CRB3: variants seen among roughly 807,000 people sequenced by gnomAD.
The protein encoded by CRB3 is protein crumbs homolog 3.
In CRB3, 4 loss-of-function variants were observed where a neutral mutation model predicts 10.4. The observed-to-expected ratio is 0.39, with a 90% confidence interval of 0.19 to 0.88. The LOEUF (loss-of-function observed/expected upper bound fraction) is 0.88. CRB3 is among the 40% of genes least tolerant of loss of function. The pLI is 0.39. For synonymous variants in CRB3, 74 were observed against 73.4 expected, an observed-to-expected ratio of 1.01 and a Z score of -0.04; for missense variants, 154 against 160.2, an observed-to-expected ratio of 0.96 and a Z score of 0.21.
rs747160974 is a variant in CRB3, at chr19:6,464,633, C to A, written c.-69C>A. 1 of 999,206 alleles carries A rather than the reference C, an allele frequency of 1.0e-6. No homozygotes were observed. Among genetic ancestry groups the A allele is most frequent in the Non-Finnish European group, 1.3e-6 (1 of 775,778 alleles). The allele number at this position is 999,206 out of a possible 1,614,324, so 61.9% of individuals were successfully genotyped here. On this transcript the variant is annotated 5_prime_UTR_variant, in exon 2 of 4. Transcript: ENST00000600229. The surrounding 1 kb of genome is among the most constrained non-coding windows in gnomAD (Gnocchi z 5.3). Reference sequence around the variant, plus strand: ...GTGCCCCGTCGCAGGTGCCCCTGGCCGGAGATGCGGTAGGAGGGGCGAGCG... The same window carrying A: ...GTGCCCCGTCGCAGGTGCCCCTGGCAGGAGATGCGGTAGGAGGGGCGAGCG...
intron 2 of CRB3, among the ~76,000 whole-genome samples, 161 bp from the exon 3 acceptor site, chr19:6,465,384 T>C (rs2092789436): frequency 6.6e-6 from 1 of 151,988 alleles, no homozygotes; most frequent in South Asian, 2.1e-4. Context: ...GGAGAGGTCT[T>C]ACCTGCAAGA....
rs1472885578 is a variant in CRB3 at position 6,466,698 on chromosome 19, A to G, written c.*26A>G. 2.5e-6 allele frequency: 4 copies of G among 1,592,848 alleles called. No individual in the cohort carries two copies. Among genetic ancestry groups the G allele is most frequent in the African/African-American group, 1.3e-5 (1 of 74,530 alleles). ...ACGCTGGGGCCTGCTGCAGCCACCA[A>G]CACTGCCCAGGACTGCGGGTTGCTG... is the stretch of plus-strand genomic sequence containing the variant. On this transcript the variant is annotated 3_prime_UTR_variant, in exon 4 of 4. Transcript: ENST00000600229. The surrounding 1 kb of genome is among the most constrained non-coding windows in gnomAD (Gnocchi z 4.9).
chr19:6,467,140 G>A lies in CRB3; in HGVS notation c.*468G>A. 1.1e-6 allele frequency: 1 copy of A among 876,588 alleles called. No homozygotes were observed. The highest frequency in any genetic ancestry group is 1.8e-6 in the Non-Finnish European group (1 of 556,918). The allele number at this position is 876,588 out of a possible 1,614,324, so 54.3% of individuals were successfully genotyped here. A position where few individuals can be genotyped will look rare whatever the true frequency, so the allele number is the denominator to read the frequency against. Reference sequence around the variant, plus strand: ...ATAGCAGGGAAGAAGGTACTTCAAAGACTCTGCCCCTGAGGTCAAGAGAGG... The same window carrying A: ...ATAGCAGGGAAGAAGGTACTTCAAAAACTCTGCCCCTGAGGTCAAGAGAGG... On this transcript the variant is annotated 3_prime_UTR_variant, in exon 4 of 4. Coordinates refer to ENST00000600229, the MANE Select transcript of CRB3 (RefSeq NM_139161.5).
chr19:6,466,695 C>T lies in CRB3; in HGVS notation c.*23C>T. The T allele has an allele frequency of 1.3e-6, 2 of 1,592,900 alleles. No individual in the cohort carries two copies. Among genetic ancestry groups the T allele is most frequent in the Non-Finnish European group, 1.7e-6 (2 of 1,177,076 alleles). On this transcript the variant is annotated 3_prime_UTR_variant, in exon 4 of 4. Coordinates refer to ENST00000600229, the MANE Select transcript of CRB3 (RefSeq NM_139161.5). This position sits in a 1 kb window ranked among gnomAD's most constrained non-coding sequence, Gnocchi z 4.9. ...TGAACGCTGGGGCCTGCTGCAGCCACCAACACTGCCCAGGACTGCGGGTTG... is the reference window on the plus strand; with the variant it reads ...TGAACGCTGGGGCCTGCTGCAGCCATCAACACTGCCCAGGACTGCGGGTTG...
At chr19:6,465,225 A>G (rs112094552) in intron 2 of CRB3, 18 of 363,586 alleles carry the variant, frequency 5.0e-5, no homozygotes, top group African/African-American at 3.5e-4. Flanking sequence ...GGGAGGTGTG[A>G]GTCAGACACT....
chr19:6,465,023 T>G, intron 2 of CRB3: 4 of 337,888 alleles, frequency 1.2e-5, no homozygotes, highest in Non-Finnish European at 1.6e-5. Context: ...CGAGGTGGAA[T>G]TGTGTGTTGG....
rs2092785153 is a variant in CRB3 at position 6,464,482 on chromosome 19, G to C, written c.-94-126G>C. ...TCCTGGGAGTTAATCTTTAATCGCT[G>C]ACCTCTGGCGGCTGGGGCGGGGCGG... On this transcript the variant is annotated intron_variant, in intron 1 of 3. Transcript: ENST00000600229. This position sits in a 1 kb window ranked among gnomAD's most constrained non-coding sequence, Gnocchi z 5.3. The C allele has an allele frequency of 1.0e-5, 4 of 390,680 alleles. No homozygotes were observed. The highest frequency in any genetic ancestry group is 1.8e-5 in the Non-Finnish European group (4 of 221,484). 24.2% of individuals were successfully genotyped at this position (390,680 alleles called of 1,614,324 possible). A position where few individuals can be genotyped will look rare whatever the true frequency, so the allele number is the denominator to read the frequency against.
rs748965521 is a variant in CRB3, at chr19:6,464,745, C to G, written c.44C>G (p.Pro15Arg). The G allele has an allele frequency of 2.4e-5, 30 of 1,265,320 alleles. No homozygotes were observed. The highest frequency in any genetic ancestry group is 2.1e-4 in the Middle Eastern group (1 of 4,660). 78.4% of individuals were successfully genotyped at this position (1,265,320 alleles called of 1,614,324 possible). Residue 15 changes from proline to arginine, a missense_variant, in exon 2 of 4, where the codon CCG becomes CGG. Pro to Arg is a moderately radical substitution (Grantham distance 103). Coordinates refer to ENST00000600229, the MANE Select transcript of CRB3 (RefSeq NM_139161.5). The surrounding 1 kb of genome is among the most constrained non-coding windows in gnomAD (Gnocchi z 5.3). ...GGGCTGCTTCTGGCGCTGGGCCTGC[C>G]GTTCCTGCTGGCCCGCTGGGGCCGA... The part of the protein sequence containing the change: ...GLGLLLALGL[P>R]FLLARWGRAW...
upstream of CRB3, chr19:6,463,982 G>A (rs576356503): frequency 6.6e-6 from 1 of 152,130 alleles, no homozygotes; most frequent in Non-Finnish European, 1.5e-5. Flanking sequence ...CCTAGTGCAC[G>A]GGTACATACA....
rs1035859953 is a variant in CRB3 at position 6,466,210 on chromosome 19, A to AT, written c.157-256_157-255insT. Among the ~76,000 whole-genome samples the AT allele has an allele frequency of 3.1e-4, 47 of 151,990 alleles. No homozygotes were observed. The highest frequency in any genetic ancestry group is 1.1e-3 in the African/African-American group (45 of 41,466). On this transcript the variant is annotated intron_variant, in intron 3 of 3. Transcript: ENST00000600229. This position sits in a 1 kb window ranked among gnomAD's most constrained non-coding sequence, Gnocchi z 4.9. Reference sequence around the variant, plus strand: ...AGCAAGACTCGGTCTCAAAAAAAAAAGCCGGAGTCCCAGACATGGCAGGTG... The same window carrying AT: ...AGCAAGACTCGGTCTCAAAAAAAAAATGCCGGAGTCCCAGACATGGCAGGTG...
In CRB3 at chr19:6,464,623, T is replaced by G. The variant is rs971189943; in HGVS notation, c.-79T>G. ...CTGTCCCCAGGTGCCCCGTCGCAGG[T>G]GCCCCTGGCCGGAGATGCGGTAGGA... On this transcript the variant is annotated 5_prime_UTR_variant, in exon 2 of 4. Coordinates refer to ENST00000600229, the MANE Select transcript of CRB3 (RefSeq NM_139161.5). This position sits in a 1 kb window ranked among gnomAD's most constrained non-coding sequence, Gnocchi z 5.3. 1.1e-6 allele frequency: 1 copy of G among 887,176 alleles called. No individual in the cohort carries two copies. Among genetic ancestry groups the G allele is most frequent in the African/African-American group, 1.7e-5 (1 of 57,696 alleles). The allele number at this position is 887,176 out of a possible 1,614,324, so 55.0% of individuals were successfully genotyped here.
chr19:6,465,715 G>A (rs2092790968), intron 3 of CRB3, 97 bp downstream of exon 3: 3 of 1,080,112 alleles, frequency 2.8e-6, no homozygotes, highest in Non-Finnish European at 4.3e-6. Context: ...CCTCCCCCCA[G>A]AGGTGGCAGG....
In CRB3 at chr19:6,466,624, G is replaced by C; in HGVS notation, c.315G>C (p.Val105=). The C allele has an allele frequency of 6.2e-7, 1 of 1,604,300 alleles. No homozygotes were observed. Residue 105 remains valine (V), a synonymous_variant, in exon 4 of 4, where the codon GTG becomes GTC. Transcript: ENST00000600229. The surrounding 1 kb of genome is among the most constrained non-coding windows in gnomAD (Gnocchi z 4.9). ...PSSEEQVGAR[V]PPTPNLKLPP... ...GCGAGGAGCAGGTGGGTGCCCGCGT[G>C]CCACCGACCCCCAACCTCAAGTTGC...
Position 6,467,023 on chromosome 19 carries a change from G to T in CRB3, c.*351G>T, listed in dbSNP as rs371291773. ...GGTGCAGGGCTGCCTGCCCATCTAG[G>T]TCCCCTCTCCTGCATCTGTCTCCCT... is the stretch of plus-strand genomic sequence containing the variant. On this transcript the variant is annotated 3_prime_UTR_variant, in exon 4 of 4. Transcript: ENST00000600229. 1 of 1,613,434 alleles carries T rather than the reference G, an allele frequency of 6.2e-7. No individual in the cohort carries two copies. Among genetic ancestry groups the T allele is most frequent in the African/African-American group, 1.3e-5 (1 of 74,854 alleles).
chr19:6,467,014 C>T lies in CRB3; in HGVS notation c.*342C>T, dbSNP rs763585771. 4.3e-6 allele frequency: 7 copies of T among 1,613,558 alleles called. No homozygotes were observed. In the African/African-American group the frequency reaches 9.3e-5, roughly 22 times the overall value. On this transcript the variant is annotated 3_prime_UTR_variant, in exon 4 of 4. Coordinates refer to ENST00000600229, the MANE Select transcript of CRB3 (RefSeq NM_139161.5). ...CAAGGAGACGGTGCAGGGCTGCCTG[C>T]CCATCTAGGTCCCCTCTCCTGCATC... is the stretch of plus-strand genomic sequence containing the variant.
rs2092786464 is a variant in CRB3, at chr19:6,464,767, C to T, written c.66C>T (p.Gly22=). The T allele has an allele frequency of 1.6e-6, 2 of 1,268,982 alleles. No individual in the cohort carries two copies. Among genetic ancestry groups the T allele is most frequent in the Admixed American group, 3.6e-5 (1 of 27,920 alleles). The allele number at this position is 1,268,982 out of a possible 1,614,324, so 78.6% of individuals were successfully genotyped here. A position where few individuals can be genotyped will look rare whatever the true frequency, so the allele number is the denominator to read the frequency against. ...LGLPFLLARW[G]RAWGQIQTTS... The stretch of plus-strand genomic sequence containing the variant: ...TGCCGTTCCTGCTGGCCCGCTGGGG[C>T]CGAGCCTGGGGGCAAAGTAGGTACC... The change falls in exon 2 of 4, where the codon GGC becomes GGT. Residue 22 remains glycine (G), a synonymous_variant. Coordinates refer to ENST00000600229, the MANE Select transcript of CRB3 (RefSeq NM_139161.5). This position sits in a 1 kb window ranked among gnomAD's most constrained non-coding sequence, Gnocchi z 5.3.
At position 6,464,320 on chromosome 19, in the gene CRB3, A is replaced by C; in HGVS notation, c.-125A>C. On this transcript the variant is annotated 5_prime_UTR_variant, in exon 1 of 4. Transcript: ENST00000600229. This position sits in a 1 kb window ranked among gnomAD's most constrained non-coding sequence, Gnocchi z 5.3. Reference sequence around the variant, plus strand: ...TTCGAGGGAGGGACACGGACCAGGAACCTGAGCTAGGTCAAAGACGCCCGG... The same window carrying C: ...TTCGAGGGAGGGACACGGACCAGGACCCTGAGCTAGGTCAAAGACGCCCGG... 1 of 178,888 alleles carries C rather than the reference A, an allele frequency of 5.6e-6. No individual in the cohort carries two copies. The highest frequency in any genetic ancestry group is 1.2e-5 in the Non-Finnish European group (1 of 85,990). The allele number at this position is 178,888 out of a possible 1,614,324, so 11.1% of individuals were successfully genotyped here.
Position 6,464,690 on chromosome 19 carries a change from G to T in CRB3, c.-12G>T, listed in dbSNP as rs1378089906. 1 of 1,235,168 alleles carries T rather than the reference G, an allele frequency of 8.1e-7. No individual in the cohort carries two copies. The highest frequency in any genetic ancestry group is 1.5e-5 in the African/African-American group (1 of 64,768). 76.5% of individuals were successfully genotyped at this position (1,235,168 alleles called of 1,614,324 possible). On this transcript the variant is annotated 5_prime_UTR_variant, in exon 2 of 4. Transcript: ENST00000600229. The surrounding 1 kb of genome is among the most constrained non-coding windows in gnomAD (Gnocchi z 5.3). ...GCCCCTTCCTCGGCGCTGCCAACCC[G>T]CCACCCAGCCCATGGCGAACCCCGG...
Position 6,467,195 on chromosome 19 carries a change from T to A in CRB3, c.*523T>A. 1.8e-6 allele frequency: 1 copy of A among 541,706 alleles called. No individual in the cohort carries two copies. Among genetic ancestry groups the A allele is most frequent in the South Asian group, 3.6e-5 (1 of 28,084 alleles). The allele number at this position is 541,706 out of a possible 1,614,324, so 33.6% of individuals were successfully genotyped here. ...GGCTATTCACTTTTATATATTTATA[T>A]AAAATTAGTAGTGAGATGTAACAAA... On this transcript the variant is annotated 3_prime_UTR_variant, in exon 4 of 4. Transcript: ENST00000600229.
Sources: gnomAD v4.1 joint callset for allele counts (sites outside exome capture counted in the v4.1 genomes callset) on GRCh38, gnomAD v4.1.1 for gene constraint, Gnocchi (gnomAD v3.1) non-coding constraint, MANE v1.5 for transcripts, NCBI Gene and HGNC (gene_info 2026-07-23, HGNC 2026-07-21) for gene names.